The following TRAF6 variants were observed in gnomAD, a reference collection of about 807,000 sequenced individuals.
TRAF6 encodes TNF receptor-associated factor 6.
In TRAF6, 10 loss-of-function variants were observed where a neutral mutation model predicts 48.4. The observed-to-expected ratio is 0.21, with a 90% CI of 0.13 to 0.35. The LOEUF is 0.35. TRAF6 is among the 10% of genes least tolerant of loss of function. TRAF6 has a pLI of 1.00. For synonymous variants in TRAF6, 186 were observed against 219.6 expected (o/e 0.85, Z 1.35); for missense variants, 397 against 661.0 (o/e 0.60, Z 4.38).
chr11:36,486,846 T>C lies in TRAF6; in HGVS notation c.*2992A>G, dbSNP rs549998313. ...GCTCATGCCTGTAATCCCAGCACTT[T>C]GGGAGGCTGAGGCGGGCGGATCATC... On this transcript the variant is annotated 3_prime_UTR_variant, in exon 7 of 7. Coordinates refer to ENST00000526995, the MANE Select transcript of TRAF6 (RefSeq NM_004620.4). Among the ~76,000 whole-genome samples the C allele has an allele frequency of 6.6e-6, 1 of 152,224 alleles. No homozygotes were observed. The highest frequency in any genetic ancestry group is 1.9e-4 in the East Asian group (1 of 5,182).
intron 5 of TRAF6, among the ~76,000 whole-genome samples, chr11:36,493,806 G>A (rs1415519427): frequency 6.6e-6 from 1 of 152,168 alleles, no homozygotes; most frequent in Non-Finnish European, 1.5e-5. Context: ...AGCAAAAGAT[G>A]TTTAACACCT....
At position 36,485,503 on chromosome 11, in the gene TRAF6, G is replaced by A. The variant is rs1427736068; in HGVS notation, c.*4335C>T. 6.6e-6 allele frequency among the ~76,000 whole-genome samples: 1 copy of A among 152,104 alleles called. No homozygotes were observed. Among genetic ancestry groups the A allele is most frequent in the Non-Finnish European group, 1.5e-5 (1 of 68,030 alleles). Reference sequence around the variant, plus strand: ...CTACCTTCAGAGCTGCAGACAGTAAGAGCAGAGGCACATGCCCCAACTTCC... The same window carrying A: ...CTACCTTCAGAGCTGCAGACAGTAAAAGCAGAGGCACATGCCCCAACTTCC... On this transcript the variant is annotated 3_prime_UTR_variant, in exon 7 of 7. Transcript: ENST00000526995.
chr11:36,497,297 A>G, intron 3 of TRAF6, 31 bp from the exon 4 acceptor site: 1 of 1,594,368 alleles, frequency 6.3e-7, no homozygotes, highest in Non-Finnish European at 8.5e-7. Context: ...GATTAGCATT[A>G]GCCAACTCTG....
chr11:36,505,410 C>A (rs960539061), intron 1 of TRAF6, among the ~76,000 whole-genome samples: 4 of 152,322 alleles, frequency 2.6e-5, no homozygotes, highest in Non-Finnish European at 5.9e-5. Context: ...ACCTCATAAA[C>A]CAATCTCTGT....
Position 36,498,588 on chromosome 11 carries a change from G to T in TRAF6, c.349C>A (p.Leu117Ile). The change falls in exon 3 of 7, where the codon CTA (leucine) becomes ATA (isoleucine). Residue 117 changes from leucine to isoleucine, a missense_variant. Around this residue, in one of 4 missense-constraint regions of TRAF6, gnomAD observed 245 missense variants for 349.1 expected, o/e 0.70. Transcript: ENST00000526995. Reference sequence around the variant, plus strand: ...CGTTTTGCAAAATTGTCTGGAAATAGTTGATTTTCCAGCAGTATTTCATTG... The same window carrying T: ...CGTTTTGCAAAATTGTCTGGAAATATTTGATTTTCCAGCAGTATTTCATTG... ...VDNEILLENQ[L>I]FPDNFAKREI... The T allele has an allele frequency of 6.2e-7, 1 of 1,613,502 alleles. No homozygotes were observed. Among genetic ancestry groups the T allele is most frequent in the Non-Finnish European group, 8.5e-7 (1 of 1,179,814 alleles).
intron 1 of TRAF6, among the ~76,000 whole-genome samples, chr11:36,504,366 T>C (rs944005655): frequency 3.4e-5 from 5 of 148,852 alleles, no homozygotes; most frequent in African/African-American, 1.2e-4. Context: ...ATTTCAACAA[T>C]GTTCACAGCA....
At position 36,490,696 on chromosome 11, in the gene TRAF6, G is replaced by C. The variant is rs767916928; in HGVS notation, c.757-46C>G. On this transcript the variant is annotated intron_variant, in intron 6 of 6. Coordinates refer to ENST00000526995, the MANE Select transcript of TRAF6 (RefSeq NM_004620.4). This position sits in a 1 kb window ranked among gnomAD's most constrained non-coding sequence, Gnocchi z 6.4. ...TTAGGCTGGGAATAGATACCGTGAG[G>C]AGTAGGAAAAGGACCTGGCCAGGTC... The C allele has an allele frequency of 6.5e-7, 1 of 1,541,674 alleles. No homozygotes were observed. The highest frequency in any genetic ancestry group is 8.8e-7 in the Non-Finnish European group (1 of 1,140,364).
At chr11:36,504,816 T>C (rs947889458) in intron 1 of TRAF6, among the ~76,000 whole-genome samples, 6 of 152,228 alleles carry the variant, frequency 3.9e-5, no homozygotes, top group African/African-American at 7.2e-5. Context: ...CCTTGATCCA[T>C]GGGCTACAAA....
At chr11:36,493,596 GATCT>G (rs1219829844) in intron 5 of TRAF6, among the ~76,000 whole-genome samples, 1 of 152,190 alleles carries the variant, frequency 6.6e-6, no homozygotes, top group African/African-American at 2.4e-5. Context: ...GCTGATCCCA[GATCT>G]ATTTAGAATG....
intron 1 of TRAF6, among the ~76,000 whole-genome samples, chr11:36,507,875 T>G (rs1194988743): frequency 6.7e-6 from 1 of 148,638 alleles, no homozygotes; most frequent in Non-Finnish European, 1.5e-5. Flanking sequence ...CTTTTTTTTT[T>G]GTCAGGGTCC....
At position 36,497,129 on chromosome 11, in the gene TRAF6, T is replaced by G. The variant is rs751011290; in HGVS notation, c.585A>C (p.Ser195=). 6.8e-6 allele frequency: 11 copies of G among 1,613,086 alleles called. No individual in the cohort carries two copies. Among genetic ancestry groups the G allele is most frequent in the Non-Finnish European group, 5.9e-6 (7 of 1,179,748 alleles). ...RQVSCDNCAA[S]MAFEDKEIHD... is the part of the protein sequence containing the mutation. ...ATGCCTCTTTATCTTCAAATGCCAT[T>G]GATGCAGCACAGTTGTCACAAGAAA... Residue 195 remains serine, a synonymous_variant, in exon 4 of 7, where the codon TCA becomes TCC. Coordinates refer to ENST00000526995, the MANE Select transcript of TRAF6 (RefSeq NM_004620.4).
Position 36,486,636 on chromosome 11 carries a change from TCTA to T in TRAF6, c.*3199_*3201del, listed in dbSNP as rs753201417. 1.2e-4 allele frequency among the ~76,000 whole-genome samples: 19 copies of T among 152,178 alleles called. No homozygotes were observed. The highest frequency in any genetic ancestry group is 5.2e-4 in the Admixed American group (8 of 15,280). On this transcript the variant is annotated 3_prime_UTR_variant, in exon 7 of 7. Transcript: ENST00000526995. ...CTGCCTTCATTCTGTTTCACTTTTT[TCTA>T]CTATTTATCCCCAAAATAAAAGTTA...
intron 2 of TRAF6, among the ~76,000 whole-genome samples, chr11:36,500,024 C>A (rs548873822): frequency 2.0e-4 from 31 of 152,304 alleles, no homozygotes; most frequent in Admixed American, 3.9e-4. Context: ...GTTAAAGCAA[C>A]CATGATTTAC....
In TRAF6 at chr11:36,506,821, T is replaced by A. The variant is rs566791155; in HGVS notation, c.-23+3227A>T. ...TAAGATGCAATCCAGAAGCTTTCTATTTTCCAAATAAACTTTTTCATATAG... is the reference window on the plus strand; with the variant it reads ...TAAGATGCAATCCAGAAGCTTTCTAATTTCCAAATAAACTTTTTCATATAG... On this transcript the variant is annotated intron_variant, in intron 1 of 6. Transcript: ENST00000526995. Among the ~76,000 whole-genome samples, 6 of 152,298 alleles carry A rather than the reference T, an allele frequency of 3.9e-5. No homozygotes were observed. In the South Asian group the frequency reaches 1.2e-3, roughly 32 times the overall value.
chr11:36,488,667 G>A lies in TRAF6; in HGVS notation c.*1171C>T, dbSNP rs1033361485. The stretch of plus-strand genomic sequence containing the variant: ...ATTAGGAAAATCTGGTTACTTCCAG[G>A]ATTCTACAGGATCCTTCTCAGAACC... On this transcript the variant is annotated 3_prime_UTR_variant, in exon 7 of 7. Transcript: ENST00000526995. 6.6e-6 allele frequency: 1 copy of A among 152,102 alleles called. No homozygotes were observed. The highest frequency in any genetic ancestry group is 2.4e-5 in the African/African-American group (1 of 41,396). 9.4% of individuals were successfully genotyped at this position (152,102 alleles called of 1,614,324 possible).
rs1859459752 is a variant in TRAF6, at chr11:36,484,839, T to G, written c.*4999A>C. 6.6e-6 allele frequency among the ~76,000 whole-genome samples: 1 copy of G among 152,198 alleles called. No individual in the cohort carries two copies. The highest frequency in any genetic ancestry group is 2.4e-5 in the African/African-American group (1 of 41,448). Reference sequence around the variant, plus strand: ...AGAACACGAGAATATTCTGCACAATTTATCAAGGACCTTCAAATAAATCCA... The same window carrying G: ...AGAACACGAGAATATTCTGCACAATGTATCAAGGACCTTCAAATAAATCCA... On this transcript the variant is annotated 3_prime_UTR_variant, in exon 7 of 7. Transcript: ENST00000526995.
chr11:36,492,609 A>G lies in TRAF6; in HGVS notation c.698T>C (p.Leu233Pro). The change falls in exon 6 of 7, where the codon CTA (leucine) becomes CCA (proline). Residue 233 changes from leucine to proline, a missense_variant. Coordinates refer to ENST00000526995, the MANE Select transcript of TRAF6 (RefSeq NM_004620.4). Reference protein sequence around the residue: ...IREQMPNHYDLDCPTAPIPCT... With the variant: ...IREQMPNHYDPDCPTAPIPCT... The stretch of plus-strand genomic sequence containing the variant: ...TGGAATTGGGGCTGTAGGGCAGTCT[A>G]GATCATAATGATTAGGCATCTGAAA... 2 of 1,610,666 alleles carry G rather than the reference A, an allele frequency of 1.2e-6. No individual in the cohort carries two copies. The highest frequency in any genetic ancestry group is 1.7e-6 in the Non-Finnish European group (2 of 1,179,144).
intron 1 of TRAF6, among the ~76,000 whole-genome samples, chr11:36,504,819 G>C (rs1387862692): frequency 6.6e-6 from 1 of 152,110 alleles, no homozygotes. Context: ...TGATCCATGG[G>C]CTACAAAATG....
Position 36,490,719 on chromosome 11 carries a change from G to C in TRAF6, c.757-69C>G, listed in dbSNP as rs1590634214. 1.4e-5 allele frequency: 20 copies of C among 1,425,418 alleles called. No individual in the cohort carries two copies. The East Asian group carries it at 4.6e-4, about 33-fold the overall frequency. The allele number at this position is 1,425,418 out of a possible 1,614,324, so 88.3% of individuals were successfully genotyped here. A position where few individuals can be genotyped will look rare whatever the true frequency, so the allele number is the denominator to read the frequency against. On this transcript the variant is annotated intron_variant, in intron 6 of 6. Coordinates refer to ENST00000526995, the MANE Select transcript of TRAF6 (RefSeq NM_004620.4). This position sits in a 1 kb window ranked among gnomAD's most constrained non-coding sequence, Gnocchi z 6.4. Reference sequence around the variant, plus strand: ...AGGAGTAGGAAAAGGACCTGGCCAGGTCAAATAAGAAGTTTTCAAGTAGTC... The same window carrying C: ...AGGAGTAGGAAAAGGACCTGGCCAGCTCAAATAAGAAGTTTTCAAGTAGTC...
Sources: gnomAD v4.1 joint callset for allele counts (sites outside exome capture counted in the v4.1 genomes callset) on GRCh38, gnomAD v4.1.1 for gene constraint, gnomAD v4.1.1 regional missense constraint, Gnocchi (gnomAD v3.1) non-coding constraint, MANE v1.5 for transcripts, NCBI Gene and HGNC (gene_info 2026-07-23, HGNC 2026-07-21) for gene names.